The following MRPS35 variants were observed in gnomAD, a reference collection of about 807,000 sequenced individuals.
MRPS35 encodes the protein mitochondrial ribosomal protein S35, also known as small ribosomal subunit protein mS35.
MRPS35 carries 29 observed loss-of-function variants against 32.7 expected under a neutral mutation model. The ratio of observed to expected loss-of-function variants is 0.89; its 90% CI spans 0.66 to 1.21. The LOEUF is 1.21. Among genes scored for constraint, MRPS35 ranks in the 50% most tolerant of loss-of-function variants. The probability of loss-of-function intolerance (pLI) is 0.00; values close to 1 mark genes in which losing one functional copy is unlikely to be tolerated. For missense variants in MRPS35, 373 were observed against 383.8 expected (o/e 0.97, Z 0.23); for synonymous variants, 148 against 139.3 (o/e 1.06, Z -0.44).
intron 7 of MRPS35, among the ~76,000 whole-genome samples, chr12:27,751,670 G>A (rs1192970970): frequency 1.3e-5 from 2 of 152,128 alleles, no homozygotes; most frequent in Admixed American, 6.5e-5. Flanking sequence ...CTGTCCAGAC[G>A]GACAGCTTTG....
chr12:27,754,890 CA>C (rs1201687729), intron 7 of MRPS35, among the ~76,000 whole-genome samples: 7 of 151,728 alleles, frequency 4.6e-5, no homozygotes, highest in African/African-American at 1.7e-4. Flanking sequence ...GTAAGGCAGA[CA>C]GATTGTAATT....
intron 7 of MRPS35, among the ~76,000 whole-genome samples, chr12:27,754,334 TTTTA>T (rs2062017884): frequency 6.6e-6 from 1 of 152,152 alleles, no homozygotes; most frequent in African/African-American, 2.4e-5. Context: ...ATATTCTTAA[TTTTA>T]TTTTAATAAT....
chr12:27,715,108 T>G (rs773132232), intron 2 of MRPS35, among the ~76,000 whole-genome samples: 4 of 152,216 alleles, frequency 2.6e-5, no homozygotes, highest in Non-Finnish European at 5.9e-5. Context: ...CTGGGACTTA[T>G]GCATTAATAT....
intron 5 of MRPS35, among the ~76,000 whole-genome samples, chr12:27,733,227 C>T (rs1227199047): frequency 1.3e-5 from 2 of 152,080 alleles, no homozygotes; most frequent in East Asian, 3.8e-4. Flanking sequence ...TACAATGTTG[C>T]AGTGCCTTTG....
intron 1 of MRPS35, among the ~76,000 whole-genome samples, chr12:27,713,131 A>AT (rs1478288422): frequency 6.6e-6 from 1 of 152,118 alleles, no homozygotes; most frequent in Non-Finnish European, 1.5e-5. Flanking sequence ...GCCATATTGA[A>AT]TTTGTTCACT....
chr12:27,747,724 G>C (rs1315868109), intron 7 of MRPS35, among the ~76,000 whole-genome samples: 1 of 152,114 alleles, frequency 6.6e-6, no homozygotes, highest in Non-Finnish European at 1.5e-5. Flanking sequence ...GTGTTCAGTG[G>C]AGCAGATATT....
intron 3 of MRPS35, among the ~76,000 whole-genome samples, chr12:27,719,233 A>C (rs898795497): frequency 2.0e-5 from 3 of 152,226 alleles, no homozygotes; most frequent in Non-Finnish European, 4.4e-5. Flanking sequence ...TTGTCATTAT[A>C]AGATGCTTGG....
chr12:27,743,219 G>C (rs1251834657), intron 7 of MRPS35, among the ~76,000 whole-genome samples: 1 of 151,830 alleles, frequency 6.6e-6, no homozygotes, highest in African/African-American at 2.4e-5. Flanking sequence ...AATATCAAGT[G>C]CACTTTCATT....
intron 7 of MRPS35, among the ~76,000 whole-genome samples, chr12:27,744,542 T>G (rs2061975536): frequency 6.6e-6 from 1 of 152,228 alleles, no homozygotes; most frequent in African/African-American, 2.4e-5. Flanking sequence ...ATGATGCAAA[T>G]TTACAGTTGA....
intron 7 of MRPS35, 62 bp from the exon 8 acceptor site, chr12:27,755,119 A>G: frequency 6.9e-7 from 1 of 1,459,478 alleles, no homozygotes; most frequent in Non-Finnish European, 9.1e-7. Context: ...GGAAGAAACA[A>G]ACAAACATTT....
intron 5 of MRPS35, among the ~76,000 whole-genome samples, chr12:27,730,374 T>C (rs2061917005): frequency 6.6e-6 from 1 of 152,188 alleles, no homozygotes; most frequent in African/African-American, 2.4e-5. Context: ...TGTTGTGTGT[T>C]TGGGGAGAAA....
chr12:27,739,388 G>A (rs780928955), intron 7 of MRPS35, among the ~76,000 whole-genome samples: 1 of 152,224 alleles, frequency 6.6e-6, no homozygotes, highest in Non-Finnish European at 1.5e-5. Flanking sequence ...GTGAATACAT[G>A]CAGCTGTTCT....
chr12:27,721,300 C>T (rs2061873489), intron 4 of MRPS35, among the ~76,000 whole-genome samples: 3 of 152,140 alleles, frequency 2.0e-5, no homozygotes, highest in Non-Finnish European at 4.4e-5. Context: ...TTTTCTATCC[C>T]TTTAGAGTGT....
intron 7 of MRPS35, among the ~76,000 whole-genome samples, chr12:27,752,670 T>C (rs113244124): frequency 0.013 from 1,917 of 152,334 alleles, 40 homozygotes; most frequent in African/African-American, 0.044. Flanking sequence ...TTAAAACATT[T>C]CTAAGAGTAG....
intron 4 of MRPS35, among the ~76,000 whole-genome samples, chr12:27,723,406 C>T (rs1017075455): frequency 3.8e-4 from 58 of 152,248 alleles, no homozygotes; most frequent in African/African-American, 1.2e-3. Flanking sequence ...TCTCTATGCT[C>T]TCTTGCCCAA....
intron 7 of MRPS35, among the ~76,000 whole-genome samples, chr12:27,751,102 C>CAAAAAAAAA (rs71438703): frequency 2.6e-4 from 10 of 38,098 alleles, no homozygotes; most frequent in South Asian, 1.8e-3. Flanking sequence ...GACTCCATCT[C>CAAAAAAAAA]AAAAAAAAAA....
intron 7 of MRPS35, among the ~76,000 whole-genome samples, chr12:27,750,601 G>C (rs774634376): frequency 1.3e-4 from 20 of 152,060 alleles, no homozygotes; most frequent in Middle Eastern, 3.4e-3. Context: ...CCAGGAGTTT[G>C]AGAACAGCCT....
chr12:27,731,214 C>G (rs1053383280), intron 5 of MRPS35, among the ~76,000 whole-genome samples: 3 of 152,156 alleles, frequency 2.0e-5, no homozygotes, highest in Non-Finnish European at 4.4e-5. Flanking sequence ...ACAAAATGCT[C>G]TGGGCTCTTT....
chr12:27,717,510 G>A (rs1305520273), intron 3 of MRPS35, among the ~76,000 whole-genome samples: 4 of 152,150 alleles, frequency 2.6e-5, no homozygotes, highest in African/African-American at 9.7e-5. Context: ...GTTATACAAA[G>A]GACAATGAAC....
Sources: allele counts gnomAD v4.1 joint callset (sites outside exome capture counted in the v4.1 genomes callset), GRCh38; gene constraint gnomAD v4.1.1; transcripts MANE v1.5; gene names NCBI Gene and HGNC (gene_info 2026-07-23, HGNC 2026-07-21).